Variants in DDI2 observed in about 807,000 individuals in gnomAD.
DDI2 encodes the protein protein DDI1 homolog 2.
A neutral mutation model predicts 48.1 loss-of-function variants in DDI2; 5 were observed. The ratio of observed to expected loss-of-function variants is 0.10; its 90% CI spans 0.05 to 0.22. DDI2 has a LOEUF of 0.22. Ranked by LOEUF, DDI2 falls within the 10% of genes least tolerant of loss-of-function variation. The pLI, the probability that DDI2 is intolerant of heterozygous loss-of-function variation, is 1.00. For missense variants in DDI2, 285 were observed against 506.2 expected (o/e 0.56, Z 4.19); for synonymous variants, 205 against 183.6 (o/e 1.12, Z -0.94).
In DDI2 at chr1:15,667,041, C is replaced by G. The variant is rs1640463585; in HGVS notation, c.*7251C>G. The G allele has an allele frequency of 6.6e-6, 1 of 151,966 alleles. No individual in the cohort carries two copies. Among genetic ancestry groups the G allele is most frequent in the Non-Finnish European group, 1.5e-5 (1 of 68,024 alleles). 9.4% of individuals were successfully genotyped at this position (151,966 alleles called of 1,614,324 possible). A position where few individuals can be genotyped will look rare whatever the true frequency, so the allele number is the denominator to read the frequency against. On this transcript the variant is annotated 3_prime_UTR_variant, in exon 10 of 10. Coordinates refer to ENST00000480945, the MANE Select transcript of DDI2 (RefSeq NM_032341.5). Reference sequence around the variant, plus strand: ...TGGCCAATATGATGAAACCTTACCTCTACTAAAAATAAAAAATTAGCCGGG... The same window carrying G: ...TGGCCAATATGATGAAACCTTACCTGTACTAAAAATAAAAAATTAGCCGGG...
chr1:15,659,912 G>A lies in DDI2; in HGVS notation c.*122G>A, dbSNP rs761070050. 8.7e-6 allele frequency: 14 copies of A among 1,605,526 alleles called. No individual in the cohort carries two copies. Among genetic ancestry groups the A allele is most frequent in the Admixed American group, 1.7e-5 (1 of 57,414 alleles). On this transcript the variant is annotated 3_prime_UTR_variant, in exon 10 of 10. Transcript: ENST00000480945. ...TCAGATGGGTTTAACCATCCCGCCCGTTCTTCAGGACAGAGTCCTGATGTT... is the reference window on the plus strand; with the variant it reads ...TCAGATGGGTTTAACCATCCCGCCCATTCTTCAGGACAGAGTCCTGATGTT...
intron 6 of DDI2, among the ~76,000 whole-genome samples, chr1:15,647,938 TG>T (rs1640116533): frequency 6.6e-6 from 1 of 152,214 alleles, no homozygotes; most frequent in Non-Finnish European, 1.5e-5. Flanking sequence ...TACTTCAGCC[TG>T]GGCAATAGAG....
chr1:15,638,293 T>G lies in DDI2; in HGVS notation c.633-14T>G, dbSNP rs774095257. 6.2e-7 allele frequency: 1 copy of G among 1,613,464 alleles called. No homozygotes were observed. ...ATTAATGCTTTCAGTGTCCCTGGTC[T>G]TGTTCTGTTACAGGCAACAGAACAT... On this transcript the variant is annotated splice_polypyrimidine_tract_variant and intron_variant, in intron 4 of 9. Coordinates refer to ENST00000480945, the MANE Select transcript of DDI2 (RefSeq NM_032341.5).
intron 6 of DDI2, among the ~76,000 whole-genome samples, chr1:15,645,254 A>G (rs1223013479): frequency 1.3e-5 from 2 of 152,172 alleles, no homozygotes; most frequent in Admixed American, 6.5e-5. Context: ...AATTTTCACA[A>G]TGCATGCTTG....
At position 15,644,302 on chromosome 1, in the gene DDI2, A is replaced by T. The variant is rs34146192; in HGVS notation, c.889+652A>T. Among the ~76,000 whole-genome samples the T allele has an allele frequency of 4.6e-4, 70 of 152,318 alleles. 1 individual carries two copies. Among genetic ancestry groups the T allele is most frequent in the South Asian group, 4.6e-3 (22 of 4,820 alleles). ...CTTCTGTCTTGTGTTGGATTACATG[A>T]ATCCCTTGTCTTCCTCTTTTTTATC... On this transcript the variant is annotated intron_variant, in intron 6 of 9. Coordinates refer to ENST00000480945, the MANE Select transcript of DDI2 (RefSeq NM_032341.5).
At chr1:15,650,387 T>C (rs1640158519) in intron 7 of DDI2, among the ~76,000 whole-genome samples, 1 of 152,202 alleles carries the variant, frequency 6.6e-6, no homozygotes, top group South Asian at 2.1e-4. Context: ...AGATTAGGCA[T>C]GCTCAGGGTG....
chr1:15,619,729 G>A (rs186615785), intron 1 of DDI2, among the ~76,000 whole-genome samples: 2 of 152,226 alleles, frequency 1.3e-5, no homozygotes, highest in Admixed American at 1.3e-4. Context: ...CCAAAGTGCT[G>A]TGAGCCACCG....
At chr1:15,635,894 G>A (rs1467305184) in intron 4 of DDI2, among the ~76,000 whole-genome samples, 1 of 152,176 alleles carries the variant, frequency 6.6e-6, no homozygotes, top group Non-Finnish European at 1.5e-5. Flanking sequence ...ATGTGCAATA[G>A]CATAAAACCT....
chr1:15,654,351 A>G lies in DDI2; in HGVS notation c.1184-2266A>G, dbSNP rs79701488. On this transcript the variant is annotated intron_variant, in intron 8 of 9. Coordinates refer to ENST00000480945, the MANE Select transcript of DDI2 (RefSeq NM_032341.5). ...CTCCATCACCTTTTGGCTTAGTTTTATGTATAAAGTACAGTTTGAGTCAGG... is the reference window on the plus strand; with the variant it reads ...CTCCATCACCTTTTGGCTTAGTTTTGTGTATAAAGTACAGTTTGAGTCAGG... Among the ~76,000 whole-genome samples, 661 of 152,206 alleles carry G rather than the reference A, an allele frequency of 4.3e-3. 7 individuals are homozygous for G. The highest frequency in any genetic ancestry group is 0.014 in the African/African-American group (586 of 41,538).
chr1:15,661,189 G>A lies in DDI2; in HGVS notation c.*1399G>A. 6.2e-7 allele frequency: 1 copy of A among 1,614,178 alleles called. No individual in the cohort carries two copies. The highest frequency in any genetic ancestry group is 8.5e-7 in the Non-Finnish European group (1 of 1,180,034). ...TTCATCTGACACTGGAAGAGAAGCT[G>A]TAGAAAATGTAAACTTCAGGAGTCT... On this transcript the variant is annotated 3_prime_UTR_variant, in exon 10 of 10. Coordinates refer to ENST00000480945, the MANE Select transcript of DDI2 (RefSeq NM_032341.5).
In DDI2 at chr1:15,668,908, AC is replaced by A. The variant is rs1424444089; in HGVS notation, c.*9119del. 2 of 152,228 alleles carry A rather than the reference AC, an allele frequency of 1.3e-5. No homozygotes were observed. 9.4% of individuals were successfully genotyped at this position (152,228 alleles called of 1,614,324 possible). On this transcript the variant is annotated 3_prime_UTR_variant, in exon 10 of 10. Transcript: ENST00000480945. ...ATGCATTTGGGTTTGAATTTTTGTC[AC>A]ATACTGAAATGTAAGTCAGCCCTAA...
rs113774336 is a variant in DDI2 at position 15,643,421 on chromosome 1, G to T, written c.761-101G>T. 4 of 1,507,096 alleles carry T rather than the reference G, an allele frequency of 2.7e-6. No homozygotes were observed. In the African/African-American group the frequency reaches 4.2e-5, roughly 16 times the overall value. The allele number at this position is 1,507,096 out of a possible 1,614,324, so 93.4% of individuals were successfully genotyped here. ...AGTTTATAGAGACCAAAGCCTTGGG[G>T]TGTGCTTGGTTTTCGCTTTGTTATT... On this transcript the variant is annotated intron_variant, in intron 5 of 9. Transcript: ENST00000480945.
chr1:15,668,839 T>A lies in DDI2; in HGVS notation c.*9049T>A, dbSNP rs952559956. On this transcript the variant is annotated 3_prime_UTR_variant, in exon 10 of 10. Transcript: ENST00000480945. ...AAAATTGGTGGCATTGTGCCATTCG[T>A]TTAGGGGCTGAACATAGGACCTGTC... The A allele has an allele frequency of 7.2e-5, 11 of 152,350 alleles. No homozygotes were observed. The highest frequency in any genetic ancestry group is 2.4e-4 in the African/African-American group (10 of 41,580). 9.4% of individuals were successfully genotyped at this position (152,350 alleles called of 1,614,324 possible).
chr1:15,620,741 CAT>C (rs1026657587), intron 1 of DDI2, among the ~76,000 whole-genome samples: 3 of 152,048 alleles, frequency 2.0e-5, no homozygotes, highest in African/African-American at 7.3e-5. Flanking sequence ...TATATGGCCA[CAT>C]GTGCATATAA....
chr1:15,650,609 G>C (rs576602413), intron 7 of DDI2, among the ~76,000 whole-genome samples: 1 of 152,058 alleles, frequency 6.6e-6, no homozygotes, highest in Non-Finnish European at 1.5e-5. Flanking sequence ...TTAGCTAGGC[G>C]TGGTGGTACA....
In DDI2 at chr1:15,660,768, T is replaced by G; in HGVS notation, c.*978T>G. ...CAAAATGTAACCCTTCATCTGAAATTTTGAATGATTCCATTTCCACTCAGG... is the reference window on the plus strand; with the variant it reads ...CAAAATGTAACCCTTCATCTGAAATGTTGAATGATTCCATTTCCACTCAGG... On this transcript the variant is annotated 3_prime_UTR_variant, in exon 10 of 10. Transcript: ENST00000480945. 1 of 1,613,896 alleles carries G rather than the reference T, an allele frequency of 6.2e-7. No individual in the cohort carries two copies. Among genetic ancestry groups the G allele is most frequent in the Non-Finnish European group, 8.5e-7 (1 of 1,179,990 alleles).
chr1:15,641,955 CAAA>C (rs57716922), intron 5 of DDI2, among the ~76,000 whole-genome samples: 30,749 of 78,462 alleles, frequency 0.39, 2,931 homozygotes, highest in Non-Finnish European at 0.41. Context: ...AATTCAGTCT[CAAA>C]AAAAAAAAAA....
intron 9 of DDI2, among the ~76,000 whole-genome samples, chr1:15,658,630 G>A (rs969277589): frequency 6.6e-5 from 10 of 151,690 alleles, no homozygotes; most frequent in Admixed American, 2.0e-4. Context: ...GGTGTGTGGC[G>A]CATGCATGTA....
intron 5 of DDI2, among the ~76,000 whole-genome samples, chr1:15,643,308 T>C (rs989312759): frequency 1.3e-5 from 2 of 152,236 alleles, no homozygotes; most frequent in African/African-American, 4.8e-5. Context: ...TATTCTTCCC[T>C]CAATGTCAAA....
Sources: allele counts gnomAD v4.1 joint callset (sites outside exome capture counted in the v4.1 genomes callset), GRCh38; gene constraint gnomAD v4.1.1; transcripts MANE v1.5; gene names NCBI Gene and HGNC (gene_info 2026-07-23, HGNC 2026-07-21).